Variants in RYR2 observed in about 807,000 individuals in gnomAD.
The protein encoded by RYR2 is ryanodine receptor 2, also known as cardiac muscle ryanodine receptor-calcium release channel.
In RYR2, 227 loss-of-function variants were observed where a neutral mutation model predicts 601.1. That is an observed-to-expected ratio of 0.38 (90% CI 0.34 to 0.42). RYR2 has a LOEUF of 0.42. Ranked by LOEUF, RYR2 falls within the 10% of genes least tolerant of loss-of-function variation. The pLI is 1.00. For synonymous variants in RYR2, 2,223 were observed against 2,175.1 expected (o/e 1.02, Z -0.61); for missense variants, 4,646 against 6,156.5 (o/e 0.75, Z 8.21).
At chr1:237,590,549 T>C (rs535796196) in intron 30 of RYR2, 91 bp from the exon 31 acceptor site, 2 of 1,048,974 alleles carry the variant, frequency 1.9e-6, no homozygotes, top group East Asian at 4.8e-5. Flanking sequence ...GCATTTGGGA[T>C]TCTGAAAACG....
At chr1:237,740,532 G>T (rs1337393947) in intron 79 of RYR2, among the ~76,000 whole-genome samples, 1 of 151,880 alleles carries the variant, frequency 6.6e-6, no homozygotes, top group Non-Finnish European at 1.5e-5. Flanking sequence ...AGCAAACATG[G>T]CTTATGAATT....
At chr1:237,801,753 C>T in intron 97 of RYR2, 103 bp from the exon 98 acceptor site, 1 of 630,840 alleles carries the variant, frequency 1.6e-6, no homozygotes, top group Non-Finnish European at 2.7e-6. Flanking sequence ...AAGAAGGTGT[C>T]CAAGTCTTGT....
At chr1:237,178,278 T>A (rs1678280427) in intron 1 of RYR2, among the ~76,000 whole-genome samples, 1 of 152,190 alleles carries the variant, frequency 6.6e-6, no homozygotes, top group South Asian at 2.1e-4. Flanking sequence ...CTTCCTCTAA[T>A]TTTTGGCTTG....
intron 1 of RYR2, among the ~76,000 whole-genome samples, chr1:237,157,627 G>A (rs1277744527): frequency 6.6e-6 from 1 of 152,194 alleles, no homozygotes; most frequent in African/African-American, 2.4e-5. Flanking sequence ...AGTGAAAGAA[G>A]CCAGGCAGAG....
At chr1:237,757,588 T>A in intron 81 of RYR2, 109 bp from the exon 82 acceptor site, 1 of 704,830 alleles carries the variant, frequency 1.4e-6, no homozygotes, top group Non-Finnish European at 2.5e-6. Flanking sequence ...ATTAAACAGA[T>A]TGCCTGGGGG....
At chr1:237,315,951 T>G (rs755514747) in intron 2 of RYR2, among the ~76,000 whole-genome samples, 1 of 152,136 alleles carries the variant, frequency 6.6e-6, no homozygotes, top group Non-Finnish European at 1.5e-5. Context: ...ATTAAATCTC[T>G]GACAGGTCTA....
At chr1:237,268,949 A>AC (rs1689370256) in intron 1 of RYR2, among the ~76,000 whole-genome samples, 3 of 146,142 alleles carry the variant, frequency 2.1e-5, no homozygotes, top group South Asian at 2.2e-4. Context: ...AAAAAAAAAA[A>AC]AAAAAAAAAA....
chr1:237,061,926 T>C (rs954244916), intron 1 of RYR2, among the ~76,000 whole-genome samples: 1 of 152,180 alleles, frequency 6.6e-6, no homozygotes, highest in Admixed American at 6.5e-5. Flanking sequence ...TGTTTATAGT[T>C]TGAGGTAGAG....
At chr1:237,542,060 T>A (rs2805451) in intron 25 of RYR2, among the ~76,000 whole-genome samples, 121 of 1,848 alleles carry the variant, frequency 0.065, 5 homozygotes, top group East Asian at 0.5. Flanking sequence ...ATTTTTGTCT[T>A]TATTTATTTA....
At chr1:237,454,801 C>T (rs1449359797) in intron 15 of RYR2, among the ~76,000 whole-genome samples, 1 of 152,184 alleles carries the variant, frequency 6.6e-6, no homozygotes, top group Non-Finnish European at 1.5e-5. Context: ...TTTCATTCTC[C>T]TGGCAAGAGA....
At chr1:237,147,330 T>C (rs983344631) in intron 1 of RYR2, among the ~76,000 whole-genome samples, 3 of 152,188 alleles carry the variant, frequency 2.0e-5, no homozygotes, top group Admixed American at 2.0e-4. Flanking sequence ...TTTCTATTAC[T>C]GTAAGAGGAA....
At chr1:237,429,443 C>T (rs1706566047) in intron 12 of RYR2, among the ~76,000 whole-genome samples, 1 of 152,126 alleles carries the variant, frequency 6.6e-6, no homozygotes, top group Non-Finnish European at 1.5e-5. Flanking sequence ...TCACCCCAGG[C>T]TGTAAGGACT....
At chr1:237,398,856 C>A (rs147090145) in intron 10 of RYR2, among the ~76,000 whole-genome samples, 1 of 152,116 alleles carries the variant, frequency 6.6e-6, no homozygotes, top group Non-Finnish European at 1.5e-5. Flanking sequence ...ATGTCCATAG[C>A]GTGGGATACT....
intron 47 of RYR2, among the ~76,000 whole-genome samples, chr1:237,641,463 G>GTCTTTCTTTCTT (rs1459578599): frequency 3.2e-3 from 179 of 55,220 alleles, no homozygotes; most frequent in East Asian, 8.9e-3. Flanking sequence ...ATAAATTAGT[G>GTCTTTCTTTCTT]TCTGTCTGTC....
At position 237,640,954 on chromosome 1, in the gene RYR2, C is replaced by T; in HGVS notation, c.7173C>T (p.Phe2391=). The T allele has an allele frequency of 6.2e-7, 1 of 1,613,672 alleles. No homozygotes were observed. Among genetic ancestry groups the T allele is most frequent in the Non-Finnish European group, 8.5e-7 (1 of 1,179,772 alleles). The change falls in exon 47 of 105, where the codon TTC becomes TTT. Residue 2391 remains phenylalanine, a synonymous_variant. Coordinates refer to ENST00000366574, the MANE Select transcript of RYR2 (RefSeq NM_001035.3). The stretch of plus-strand genomic sequence containing the variant: ...ACATGGGGAACGCGATCATGACCTT[C>T]TATTCAGCTTTGATTGACCTCTTGG... ...TIHMGNAIMT[F]YSALIDLLGR...
intron 17 of RYR2, among the ~76,000 whole-genome samples, chr1:237,476,847 A>G (rs547720720): frequency 6.6e-6 from 1 of 152,222 alleles, no homozygotes; most frequent in African/African-American, 2.4e-5. Context: ...TGCAGAAATC[A>G]TAGCTAACTG....
At chr1:237,715,718 C>G (rs1206273982) in intron 71 of RYR2, among the ~76,000 whole-genome samples, 1 of 152,040 alleles carries the variant, frequency 6.6e-6, no homozygotes, top group Admixed American at 6.6e-5. Context: ...TAAGAAAACT[C>G]CAAACCAATA....
intron 36 of RYR2, among the ~76,000 whole-genome samples, chr1:237,612,092 G>A (rs768261637): frequency 4.6e-5 from 7 of 152,122 alleles, no homozygotes; most frequent in Non-Finnish European, 1.0e-4. Flanking sequence ...CAATAAAAAT[G>A]ATTGAAGTAC....
chr1:237,570,441 T>C (rs1572915410), intron 29 of RYR2, among the ~76,000 whole-genome samples: 1 of 151,274 alleles, frequency 6.6e-6, no homozygotes, highest in Admixed American at 6.6e-5. Flanking sequence ...TGGATTCAAG[T>C]GATTCTCCTG....
Sources: allele counts gnomAD v4.1 joint callset (sites outside exome capture counted in the v4.1 genomes callset), GRCh38; gene constraint gnomAD v4.1.1; transcripts MANE v1.5; gene names NCBI Gene and HGNC (gene_info 2026-07-23, HGNC 2026-07-21).